NOL6: variants seen among roughly 807,000 people sequenced by gnomAD.
The protein encoded by NOL6 is nucleolar protein 6.
In NOL6, 33 loss-of-function variants were observed where a neutral mutation model predicts 131.7. The ratio of observed to expected loss-of-function variants is 0.25; its 90% confidence interval spans 0.19 to 0.33. NOL6 has a LOEUF of 0.33. Among genes scored for constraint, NOL6 ranks in the 10% least tolerant of loss-of-function variants. The pLI, the probability that NOL6 is intolerant of heterozygous loss-of-function variation, is 1.00. For missense variants in NOL6, 1,297 were observed against 1,494.5 expected, an observed-to-expected ratio of 0.87 and a Z score of 2.18; for synonymous variants, 580 against 605.7, an observed-to-expected ratio of 0.96 and a Z score of 0.62.
intron 21 of NOL6, among the ~76,000 whole-genome samples, chr9:33,464,507 G>A (rs146367837): frequency 1.3e-5 from 2 of 151,824 alleles, no homozygotes; most frequent in Admixed American, 6.6e-5. Flanking sequence ...TGCAGAGACC[G>A]AGTGCCTCAC....
intron 19 of NOL6, 75 bp downstream of exon 19, chr9:33,465,659 G>A: frequency 1.3e-6 from 2 of 1,487,786 alleles, no homozygotes; most frequent in Non-Finnish European, 9.1e-7. Flanking sequence ...CCCCTGGAGA[G>A]ACAGGTGGCT....
intron 21 of NOL6, 75 bp from the exon 22 acceptor site, chr9:33,464,236 C>T (rs543934446): frequency 2.7e-5 from 41 of 1,507,594 alleles, no homozygotes; most frequent in African/African-American, 8.3e-5. Context: ...GGTCCTCCTA[C>T]GGTGCCCCCA....
Position 33,467,555 on chromosome 9 carries a change from C to T in NOL6, c.1603-39G>A. The T allele has an allele frequency of 6.2e-7, 1 of 1,609,514 alleles. No individual in the cohort carries two copies. Among genetic ancestry groups the T allele is most frequent in the Non-Finnish European group, 8.5e-7 (1 of 1,176,692 alleles). The stretch of plus-strand genomic sequence containing the variant: ...AAAGGCTGAGCTCAGTCCTCCAATC[C>T]TCCAGCCTGGCCTAGAAACCTACTT... On this transcript the variant is annotated intron_variant, in intron 12 of 25. Transcript: ENST00000297990. The surrounding 1 kb of genome is among the most constrained non-coding windows in gnomAD (Gnocchi z 4.4).
chr9:33,472,693 C>G, intron 1 of NOL6: 1 of 486,292 alleles, frequency 2.1e-6, no homozygotes, highest in Non-Finnish European at 3.7e-6. Flanking sequence ...TGGGCCCAGG[C>G]TGGACACGGT....
At position 33,463,377 on chromosome 9, in the gene NOL6, G is replaced by A. The variant is rs775943010; in HGVS notation, c.3059C>T (p.Pro1020Leu). 2.5e-6 allele frequency: 4 copies of A among 1,613,932 alleles called. No homozygotes were observed. Among genetic ancestry groups the A allele is most frequent in the Non-Finnish European group, 3.4e-6 (4 of 1,179,968 alleles). ...VLIRLSPRHI[P>L]RHRQAVDSPA... Reference sequence around the variant, plus strand: ...CGAGTCCACAGCCTGGCGGTGCCGCGGGATATGGCGAGGAGACAGGCGAAT... The same window carrying A: ...CGAGTCCACAGCCTGGCGGTGCCGCAGGATATGGCGAGGAGACAGGCGAAT... The change falls in exon 24 of 26, where the codon CCG becomes CTG. Residue 1020 changes from proline to leucine, a missense_variant. Pro to Leu is a moderately conservative substitution (Grantham distance 98, BLOSUM62 -3). Coordinates refer to ENST00000297990, the MANE Select transcript of NOL6 (RefSeq NM_022917.5).
intron 20 of NOL6, 99 bp downstream of exon 20, chr9:33,465,108 C>G: frequency 1.3e-6 from 2 of 1,493,038 alleles, no homozygotes; most frequent in Non-Finnish European, 1.8e-6. Context: ...CTGCCACTTG[C>G]TCAACCACCC....
chr9:33,467,130 T>G lies in NOL6; in HGVS notation c.1858A>C (p.Thr620Pro). The change falls in exon 14 of 26, where the codon ACC becomes CCC. Residue 620 changes from threonine (T) to proline (P), a missense_variant. By Grantham distance (38) the Thr-to-Pro change is conservative. Transcript: ENST00000297990. This position sits in a 1 kb window ranked among gnomAD's most constrained non-coding sequence, Gnocchi z 4.4. The part of the protein sequence containing the change: ...QKRLIPHQVV[T>P]HLLALHADIP... Reference sequence around the variant, plus strand: ...AACACTCACAGTGCCAAGAGGTGGGTGACCACCTGGTGGGGAATAAGGCGC... The same window carrying G: ...AACACTCACAGTGCCAAGAGGTGGGGGACCACCTGGTGGGGAATAAGGCGC... 1 of 1,614,154 alleles carries G rather than the reference T, an allele frequency of 6.2e-7. No homozygotes were observed. Among genetic ancestry groups the G allele is most frequent in the Non-Finnish European group, 8.5e-7 (1 of 1,180,022 alleles).
chr9:33,469,628 A>C lies in NOL6; in HGVS notation c.598T>G (p.Phe200Val). 6.2e-7 allele frequency: 1 copy of C among 1,612,978 alleles called. No individual in the cohort carries two copies. The highest frequency in any genetic ancestry group is 8.5e-7 in the Non-Finnish European group (1 of 1,179,672). ...GCCAGGTAGAGGGCACGCTTGCGGA[A>C]GTAGCGCTGGTTCAGCCCGTCCTTG... is the stretch of plus-strand genomic sequence containing the variant. ...QDKDGLNQRY[F>V]RKRALYLAHL... Residue 200 changes from phenylalanine to valine, a missense_variant, in exon 5 of 26, where the codon TTC (phenylalanine) becomes GTC (valine). Transcript: ENST00000297990.
Position 33,461,719 on chromosome 9 carries a change from G to A in NOL6, c.*945C>T, listed in dbSNP as rs1055529850. 3 of 163,362 alleles carry A rather than the reference G, an allele frequency of 1.8e-5. No individual in the cohort carries two copies. The highest frequency in any genetic ancestry group is 7.2e-5 in the African/African-American group (3 of 41,948). 10.1% of individuals were successfully genotyped at this position (163,362 alleles called of 1,614,324 possible). ...AAAGATCACCTCAGGCTGGGGGCGA[G>A]GGATGGGCTTAAGGAGGGGCACTAT... On this transcript the variant is annotated 3_prime_UTR_variant, in exon 26 of 26. Coordinates refer to ENST00000297990, the MANE Select transcript of NOL6 (RefSeq NM_022917.5).
At position 33,470,123 on chromosome 9, in the gene NOL6, C is replaced by T. The variant is rs570175286; in HGVS notation, c.447G>A (p.Lys149=). The T allele has an allele frequency of 2.5e-5, 40 of 1,612,758 alleles. No homozygotes were observed. The South Asian group carries it at 4.1e-4, about 16-fold the overall frequency. ...CTGGGGGCAGGAAGCGGAAACAGCC[C>T]TTCACGGCATAGGGCACTTGGTGGA... ...VPLHQVPYAV[K]GCFRFLPPAQ... is the part of the protein sequence containing the mutation. The change falls in exon 4 of 26, where the codon AAG becomes AAA. Residue 149 remains lysine, a synonymous_variant. Transcript: ENST00000297990.
At position 33,472,257 on chromosome 9, in the gene NOL6, A is replaced by G. The variant is rs573024948; in HGVS notation, c.210T>C (p.Asn70=). The G allele has an allele frequency of 7.8e-5, 126 of 1,614,236 alleles. 3 individuals are homozygous for G. The South Asian group carries it at 1.4e-3, about 17-fold the overall frequency. ...LYKEPTNEEL[N]RLRETEILFH... ...ACAAGATCTCAGTCTCCCGAAGGCG[A>G]TTAAGCTCCTCATTGGTAGGCTCCT... The change falls in exon 2 of 26, where the codon AAT becomes AAC. Residue 70 remains asparagine, a synonymous_variant. Coordinates refer to ENST00000297990, the MANE Select transcript of NOL6 (RefSeq NM_022917.5).
chr9:33,472,167 T>TAC, intron 2 of NOL6, 39 bp downstream of exon 2: 1 of 1,613,530 alleles, frequency 6.2e-7, no homozygotes, highest in Non-Finnish European at 8.5e-7. Context: ...GGGTCCCAGG[T>TAC]ACACACCTCG....
chr9:33,464,544 C>G (rs1410559025), intron 21 of NOL6, among the ~76,000 whole-genome samples: 1 of 152,112 alleles, frequency 6.6e-6, no homozygotes, highest in African/African-American at 2.4e-5. Flanking sequence ...ACCACTCCCA[C>G]CCCCACCAAG....
At position 33,465,256 on chromosome 9, in the gene NOL6, G is replaced by A. The variant is rs1463304784; in HGVS notation, c.2632C>T (p.Leu878=). 6.3e-7 allele frequency: 1 copy of A among 1,598,536 alleles called. No homozygotes were observed. The highest frequency in any genetic ancestry group is 1.1e-5 in the South Asian group (1 of 88,608). Residue 878 remains leucine, a synonymous_variant, in exon 20 of 26, where the codon CTG becomes TTG. Coordinates refer to ENST00000297990, the MANE Select transcript of NOL6 (RefSeq NM_022917.5). ...GEGFADESLD[L]VAAALFLHPE... ...TGCAGGAAAAGGGCAGCGGCCACCA[G>A]ATCCAGGCTCTCATCAGCGAAACCC...
Position 33,464,108 on chromosome 9 carries a change from G to C in NOL6, c.2833C>G (p.Pro945Ala). ...SGFLAARAQLPVMVIVTPQDR... is the reference protein window; with the variant it reads ...SGFLAARAQLAVMVIVTPQDR... ...TGGGGGGTAACAATGACCATGACGG[G>C]GAGCTGTGCCCGAGCTGCCAGGAAG... The change falls in exon 22 of 26, where the codon CCC becomes GCC. Residue 945 changes from proline (P) to alanine (A), a missense_variant. Pro to Ala is a conservative substitution (Grantham distance 27). Transcript: ENST00000297990. 6.2e-7 allele frequency: 1 copy of C among 1,613,588 alleles called. No individual in the cohort carries two copies.
In NOL6 at chr9:33,468,427, G is replaced by A. The variant is rs76961637; in HGVS notation, c.1207-5C>T. On this transcript the variant is annotated splice_polypyrimidine_tract_variant and splice_region_variant and intron_variant, in intron 9 of 25. Transcript: ENST00000297990. ...GTGGAAGTCAGCCAGGGCCGGCTTG[G>A]GGGGTGTAGAGAGAAGCAGGTCAGG... 3 of 1,614,054 alleles carry A rather than the reference G, an allele frequency of 1.9e-6. No individual in the cohort carries two copies. The highest frequency in any genetic ancestry group is 1.3e-5 in the African/African-American group (1 of 75,008).
At chr9:33,466,766 G>GA in intron 15 of NOL6, 57 bp from the exon 16 acceptor site, 4 of 1,600,610 alleles carry the variant, frequency 2.5e-6, no homozygotes, top group Non-Finnish European at 2.6e-6. Flanking sequence ...GCTTCACCTG[G>GA]ATTCTGCCCC....
intron 20 of NOL6, 36 bp from the exon 21 acceptor site, chr9:33,465,012 A>T: frequency 2.6e-6 from 4 of 1,555,342 alleles, no homozygotes; most frequent in Non-Finnish European, 3.5e-6. Flanking sequence ...TCCAGGGCCC[A>T]GCCACATATC....
At position 33,469,719 on chromosome 9, in the gene NOL6, C is replaced by T. The variant is rs1043791790; in HGVS notation, c.559-52G>A. 6 of 1,580,250 alleles carry T rather than the reference C, an allele frequency of 3.8e-6. No homozygotes were observed. In the African/African-American group the frequency reaches 5.5e-5, roughly 14 times the overall value. On this transcript the variant is annotated intron_variant, in intron 4 of 25. Transcript: ENST00000297990. The stretch of plus-strand genomic sequence containing the variant: ...GCCAGGCACATAAGTGCTTGTGGAG[C>T]TGTGGGCCAAGGTGAAACCAAGGTG...
Sources: gnomAD v4.1 joint callset for allele counts (sites outside exome capture counted in the v4.1 genomes callset) on GRCh38, gnomAD v4.1.1 for gene constraint, Gnocchi (gnomAD v3.1) non-coding constraint, MANE v1.5 for transcripts, NCBI Gene and HGNC (gene_info 2026-07-23, HGNC 2026-07-21) for gene names.